KCNK2: variants seen among roughly 807,000 people sequenced by gnomAD.
The protein encoded by KCNK2 is potassium channel subfamily K member 2.
A neutral mutation model predicts 40.5 loss-of-function variants in KCNK2; 21 were observed. That is an observed-to-expected ratio of 0.52 (90% CI 0.37 to 0.75). KCNK2 has a LOEUF of 0.75. Ranked by LOEUF, KCNK2 falls within the 30% of genes least tolerant of loss-of-function variation. The pLI is 0.00. For missense variants in KCNK2, 399 were observed against 531.6 expected (o/e 0.75, Z 2.45); for synonymous variants, 191 against 202.2 (o/e 0.94, Z 0.47).
At chr1:215,123,575 C>A (rs973982024) in intron 2 of KCNK2, among the ~76,000 whole-genome samples, 1 of 152,050 alleles carries the variant, frequency 6.6e-6, no homozygotes, top group Non-Finnish European at 1.5e-5. Context: ...TATGGGTTAC[C>A]TGTTCTTTTT....
chr1:215,186,381 G>A (rs375187738), intron 5 of KCNK2, among the ~76,000 whole-genome samples: 1 of 151,978 alleles, frequency 6.6e-6, no homozygotes, highest in Non-Finnish European at 1.5e-5. Context: ...GCAACAGGGC[G>A]AGGCCCCATC....
rs180860741 is a variant in KCNK2, at chr1:215,129,424, A to G, written c.475+4674A>G. Among the ~76,000 whole-genome samples the G allele has an allele frequency of 2.0e-5, 3 of 152,296 alleles. No homozygotes were observed. The East Asian group carries it at 5.8e-4, about 29-fold the overall frequency. ...CAGTACATTAAAAACAAGACCATGA[A>G]TGATTGCAATAAATGTAGCAAAAGA... is the stretch of plus-strand genomic sequence containing the variant. On this transcript the variant is annotated intron_variant, in intron 3 of 6. Transcript: ENST00000444842.
chr1:215,144,543 TA>T (rs1662329030), intron 3 of KCNK2, among the ~76,000 whole-genome samples: 1 of 152,198 alleles, frequency 6.6e-6, no homozygotes, highest in Admixed American at 6.5e-5. Flanking sequence ...TTATATTCAA[TA>T]TAGACAGTCA....
chr1:215,183,174 A>G (rs1369869974), intron 5 of KCNK2, among the ~76,000 whole-genome samples: 1 of 152,144 alleles, frequency 6.6e-6, no homozygotes, highest in Non-Finnish European at 1.5e-5. Flanking sequence ...AAAGCCATTA[A>G]TCATTTTTTC....
chr1:215,048,043 ATAT>A (rs1353653173), intron 1 of KCNK2, among the ~76,000 whole-genome samples: 6 of 152,170 alleles, frequency 3.9e-5, no homozygotes, highest in Non-Finnish European at 5.9e-5. Flanking sequence ...CATTCTGATA[ATAT>A]TATTTCCAAT....
intron 5 of KCNK2, among the ~76,000 whole-genome samples, chr1:215,192,186 G>T (rs1239778317): frequency 6.6e-6 from 1 of 152,120 alleles, no homozygotes; most frequent in African/African-American, 2.4e-5. Flanking sequence ...TGATTAATGT[G>T]AAAATTAATT....
At chr1:215,131,118 C>G (rs1186788294) in intron 3 of KCNK2, among the ~76,000 whole-genome samples, 1 of 151,376 alleles carries the variant, frequency 6.6e-6, no homozygotes, top group Non-Finnish European at 1.5e-5. Context: ...CCTCGGCCTC[C>G]CAAAGTGCTG....
intron 2 of KCNK2, among the ~76,000 whole-genome samples, chr1:215,097,498 G>T (rs1660030154): frequency 1.0e-5 from 1 of 96,470 alleles, no homozygotes; most frequent in East Asian, 3.3e-4. Context: ...TGTTAATAAA[G>T]AAAAATTTTT....
At chr1:215,144,420 A>G (rs1351776716) in intron 3 of KCNK2, among the ~76,000 whole-genome samples, 1 of 152,132 alleles carries the variant, frequency 6.6e-6, no homozygotes, top group Non-Finnish European at 1.5e-5. Context: ...GTTGGCTGTC[A>G]CTTGCTTTCT....
intron 1 of KCNK2, among the ~76,000 whole-genome samples, chr1:215,028,612 A>G (rs2841596): frequency 0.44 from 66,670 of 151,976 alleles, 16,335 homozygotes; most frequent in Non-Finnish European, 0.55. Flanking sequence ...TTAATAACAG[A>G]CATTTAAAAG....
intron 3 of KCNK2, among the ~76,000 whole-genome samples, chr1:215,164,777 T>C (rs1663367929): frequency 6.6e-6 from 1 of 152,202 alleles, no homozygotes; most frequent in Admixed American, 6.5e-5. Flanking sequence ...AGGAACATTC[T>C]GTACTTTCTG....
chr1:215,206,347 A>C (rs2102679177), intron 6 of KCNK2, among the ~76,000 whole-genome samples: 1 of 152,288 alleles, frequency 6.6e-6, no homozygotes, highest in Admixed American at 6.5e-5. Context: ...AACTGTGTGA[A>C]ATTATTGACA....
At chr1:215,161,450 G>T (rs531646178) in intron 3 of KCNK2, among the ~76,000 whole-genome samples, 1 of 151,640 alleles carries the variant, frequency 6.6e-6, no homozygotes. Flanking sequence ...TTTAAGCTCT[G>T]GGATACATGT....
At chr1:215,149,399 G>C (rs964597677) in intron 3 of KCNK2, among the ~76,000 whole-genome samples, 3 of 152,172 alleles carry the variant, frequency 2.0e-5, no homozygotes, top group Admixed American at 2.0e-4. Flanking sequence ...AGAGCACACA[G>C]AGTTAGGAGA....
intron 2 of KCNK2, among the ~76,000 whole-genome samples, chr1:215,120,611 A>G (rs1185055033): frequency 1.3e-5 from 2 of 152,152 alleles, no homozygotes; most frequent in Admixed American, 6.6e-5. Flanking sequence ...GTGCACGTGA[A>G]TCTGTGGCAT....
intron 3 of KCNK2, among the ~76,000 whole-genome samples, chr1:215,125,764 AT>A (rs1661399697): frequency 9.4e-6 from 1 of 106,050 alleles, no homozygotes; most frequent in East Asian, 3.0e-4. Context: ...ATATATATAT[AT>A]ATATATATAT....
chr1:215,187,087 A>G (rs1225947953), intron 5 of KCNK2, among the ~76,000 whole-genome samples: 1 of 152,058 alleles, frequency 6.6e-6, no homozygotes, highest in Non-Finnish European at 1.5e-5. Context: ...CTCTTGCCTC[A>G]GCCTCCCAAG....
chr1:215,029,147 T>C (rs1386311872), intron 1 of KCNK2, among the ~76,000 whole-genome samples: 1 of 151,972 alleles, frequency 6.6e-6, no homozygotes, highest in Non-Finnish European at 1.5e-5. Context: ...TCTCCTAGAG[T>C]TGATAATTTA....
At chr1:215,087,737 G>A (rs191825012) in intron 2 of KCNK2, among the ~76,000 whole-genome samples, 575 of 152,250 alleles carry the variant, frequency 3.8e-3, no homozygotes, top group Non-Finnish European at 6.0e-3. Flanking sequence ...GAATGAGTTG[G>A]AATAGTGGAC....
Sources: gnomAD v4.1 joint callset for allele counts (sites outside exome capture counted in the v4.1 genomes callset) on GRCh38, gnomAD v4.1.1 for gene constraint, MANE v1.5 for transcripts, NCBI Gene and HGNC (gene_info 2026-07-23, HGNC 2026-07-21) for gene names.